The following DTWD2 variants were observed in gnomAD, a reference collection of about 807,000 sequenced individuals.
The protein encoded by DTWD2 is DTW motif tRNA-uridine aminocarboxypropyltransferase 2, also known as tRNA-uridine aminocarboxypropyltransferase 2.
In DTWD2, 39 loss-of-function variants were observed where a neutral mutation model predicts 31.8. The observed-to-expected ratio is 1.22, with a 90% CI of 0.95 to 1.60. The LOEUF (loss-of-function observed/expected upper bound fraction) is 1.60, where lower values mean the gene tolerates loss of function less well. Among genes scored for constraint, DTWD2 ranks in the 40% most tolerant of loss-of-function variants. The pLI, the probability that DTWD2 is intolerant of heterozygous loss-of-function variation, is 0.00. For missense variants in DTWD2, 515 were observed against 381.5 expected, an observed-to-expected ratio of 1.35 and a Z score of -2.92; for synonymous variants, 180 against 142.8, an observed-to-expected ratio of 1.26 and a Z score of -1.86.
At chr5:118,841,778 T>TAAAAAAAAA (rs1384716429) in intron 5 of DTWD2, among the ~76,000 whole-genome samples, 1 of 147,890 alleles carries the variant, frequency 6.8e-6, no homozygotes. Flanking sequence ...ATTCAAAAAT[T>TAAAAAAAAA]AAAAAAAAAA....
intron 1 of DTWD2, among the ~76,000 whole-genome samples, chr5:118,948,686 G>A (rs570365409): frequency 3.3e-5 from 5 of 152,230 alleles, no homozygotes; most frequent in Admixed American, 6.5e-5. Context: ...CCCGGCTCTC[G>A]TGTAAGAATT....
At chr5:118,859,146 T>C (rs1752202338) in intron 4 of DTWD2, among the ~76,000 whole-genome samples, 1 of 151,924 alleles carries the variant, frequency 6.6e-6, no homozygotes, top group Non-Finnish European at 1.5e-5. Context: ...AGCGGAGGAT[T>C]GCATGACTAT....
intron 4 of DTWD2, among the ~76,000 whole-genome samples, chr5:118,874,371 T>G (rs1244994567): frequency 6.6e-6 from 1 of 152,062 alleles, no homozygotes; most frequent in African/African-American, 2.4e-5. Context: ...ATGGCTGAAA[T>G]GAGAGAAATA....
intron 4 of DTWD2, among the ~76,000 whole-genome samples, chr5:118,924,823 T>G (rs975773870): frequency 6.6e-6 from 1 of 152,144 alleles, no homozygotes; most frequent in Non-Finnish European, 1.5e-5. Context: ...TGCTATGAAA[T>G]AGTTATGAGA....
In DTWD2 at chr5:118,939,344, T is replaced by C. The variant is rs1179235294; in HGVS notation, c.310-54A>G. ...GATTTTTACTTAGATATACACACTT[T>C]TAAATATTTTATAATGAACATCTGA... On this transcript the variant is annotated intron_variant, in intron 2 of 5. Coordinates refer to ENST00000510708, the MANE Select transcript of DTWD2 (RefSeq NM_173666.4). 8 of 1,371,596 alleles carry C rather than the reference T, an allele frequency of 5.8e-6. No homozygotes were observed. The South Asian group carries it at 1.1e-4, about 19-fold the overall frequency. 85.0% of individuals were successfully genotyped at this position (1,371,596 alleles called of 1,614,324 possible). A position where few individuals can be genotyped will look rare whatever the true frequency, so the allele number is the denominator to read the frequency against.
In DTWD2 at chr5:118,840,996, C is replaced by T; in HGVS notation, c.818G>A (p.Gly273Glu). 6.2e-7 allele frequency: 1 copy of T among 1,613,802 alleles called. No individual in the cohort carries two copies. Among genetic ancestry groups the T allele is most frequent in the Non-Finnish European group, 8.5e-7 (1 of 1,179,842 alleles). ...RLSKEHLLKNGLYPKPMPKNK... is the reference protein window; with the variant it reads ...RLSKEHLLKNELYPKPMPKNK... ...CTTTGGCATTGGTTTAGGATATAAT[C>T]CATTTTTCAGAAGGTGTTCCTTGCT... Residue 273 changes from glycine to glutamate, a missense_variant, in exon 6 of 6, where the codon GGA (glycine) becomes GAA (glutamate). Physicochemically the swap from Gly to Glu is moderately conservative, Grantham distance 98. Transcript: ENST00000510708.
intron 4 of DTWD2, among the ~76,000 whole-genome samples, chr5:118,870,836 ACTT>A (rs1752485489): frequency 6.6e-6 from 1 of 151,950 alleles, no homozygotes; most frequent in South Asian, 2.1e-4. Flanking sequence ...ACACAGGAGA[ACTT>A]CTTTTTTTCC....
intron 4 of DTWD2, among the ~76,000 whole-genome samples, chr5:118,926,343 T>C (rs540265367): frequency 6.6e-6 from 1 of 152,222 alleles, no homozygotes; most frequent in Admixed American, 6.5e-5. Flanking sequence ...AAGTGGGAGC[T>C]AAGCTATGAG....
intron 2 of DTWD2, 41 bp from the exon 3 acceptor site, chr5:118,939,331 G>T (rs778252014): frequency 2.7e-6 from 4 of 1,461,290 alleles, no homozygotes; most frequent in East Asian, 2.5e-5. Context: ...TTTTTACTTA[G>T]ATATACACAC....
At chr5:118,909,104 T>A (rs937529899) in intron 4 of DTWD2, among the ~76,000 whole-genome samples, 2 of 152,184 alleles carry the variant, frequency 1.3e-5, no homozygotes, top group African/African-American at 4.8e-5. Flanking sequence ...TCCATCCTTT[T>A]AGGGTTCTGC....
intron 1 of DTWD2, among the ~76,000 whole-genome samples, chr5:118,955,872 A>G (rs1754573881): frequency 6.6e-6 from 1 of 152,108 alleles, no homozygotes; most frequent in South Asian, 2.1e-4. Flanking sequence ...ATAACTATAT[A>G]TCAAAACTGA....
intron 4 of DTWD2, among the ~76,000 whole-genome samples, chr5:118,904,979 A>G (rs1011236332): frequency 2.0e-5 from 3 of 152,134 alleles, no homozygotes; most frequent in Non-Finnish European, 4.4e-5. Context: ...GAACTCCAAG[A>G]AAGAGGTTAC....
chr5:118,873,759 C>T (rs1752561703), intron 4 of DTWD2, among the ~76,000 whole-genome samples: 1 of 152,184 alleles, frequency 6.6e-6, no homozygotes, highest in East Asian at 1.9e-4. Context: ...CTTAGAGACA[C>T]TCCATCTTGA....
chr5:118,848,246 ATTT>A (rs765415877), intron 4 of DTWD2, 28 bp from the exon 5 acceptor site: 18 of 1,547,270 alleles, frequency 1.2e-5, no homozygotes, highest in Non-Finnish European at 1.3e-5. Flanking sequence ...ATAGAACATA[ATTT>A]TTGTTTTAAA....
At chr5:118,937,216 GAT>G (rs1754062624) in intron 3 of DTWD2, among the ~76,000 whole-genome samples, 2 of 152,010 alleles carry the variant, frequency 1.3e-5, no homozygotes, top group Non-Finnish European at 2.9e-5. Flanking sequence ...GAATCTACAT[GAT>G]CATTTTAATA....
chr5:118,897,375 T>C (rs1753107490), intron 4 of DTWD2, among the ~76,000 whole-genome samples: 1 of 152,210 alleles, frequency 6.6e-6, no homozygotes, highest in African/African-American at 2.4e-5. Context: ...TGGAGGTTAG[T>C]CACCTAGGCA....
At chr5:118,887,120 G>T (rs1752884606) in intron 4 of DTWD2, among the ~76,000 whole-genome samples, 1 of 152,164 alleles carries the variant, frequency 6.6e-6, no homozygotes, top group Admixed American at 6.5e-5. Flanking sequence ...AAACTATATG[G>T]TATAGTGGAT....
At chr5:118,897,137 G>A (rs187022255) in intron 4 of DTWD2, among the ~76,000 whole-genome samples, 1 of 152,244 alleles carries the variant, frequency 6.6e-6, no homozygotes, top group East Asian at 1.9e-4. Context: ...TGGAACTCAC[G>A]GTTAATATTT....
At position 118,836,334 on chromosome 5, in the gene DTWD2, G is replaced by C. The variant is rs1751567616; in HGVS notation, c.*4583C>G. 2.0e-5 allele frequency among the ~76,000 whole-genome samples: 3 copies of C among 152,112 alleles called. No homozygotes were observed. The highest frequency in any genetic ancestry group is 2.0e-4 in the Admixed American group (3 of 15,272). On this transcript the variant is annotated 3_prime_UTR_variant, in exon 6 of 6. Coordinates refer to ENST00000510708, the MANE Select transcript of DTWD2 (RefSeq NM_173666.4). ...AGCTCACTGCAACCTCTGCCTCCCA[G>C]GTTCAAGCAATTCTCTGCCTCAGCC...
Sources: gnomAD v4.1 joint callset for allele counts (sites outside exome capture counted in the v4.1 genomes callset) on GRCh38, gnomAD v4.1.1 for gene constraint, MANE v1.5 for transcripts, NCBI Gene and HGNC (gene_info 2026-07-23, HGNC 2026-07-21) for gene names.